Variants in TMEM266 observed in about 807,000 individuals in gnomAD.
TMEM266 encodes Hv1 related protein 1.
A neutral mutation model predicts 50.5 loss-of-function variants in TMEM266; 33 were observed. The observed-to-expected ratio is 0.65, with a 90% CI of 0.50 to 0.87. The LOEUF is 0.87. Ranked by LOEUF, TMEM266 falls within the 40% of genes least tolerant of loss-of-function variation. The pLI, the probability that TMEM266 is intolerant of heterozygous loss-of-function variation, is 0.00. For missense variants in TMEM266, 655 were observed against 695.1 expected (o/e 0.94, Z 0.65); for synonymous variants, 310 against 292.3 (o/e 1.06, Z -0.62).
At chr15:76,099,635 G>A (rs187229305) in intron 1 of TMEM266, among the ~76,000 whole-genome samples, 74 of 152,324 alleles carry the variant, frequency 4.9e-4, no homozygotes, top group African/African-American at 1.8e-3. Context: ...GAAAATGGAA[G>A]CATTGAGATT....
chr15:76,066,727 G>T (rs1032614183), intron 1 of TMEM266, among the ~76,000 whole-genome samples: 4 of 152,016 alleles, frequency 2.6e-5, no homozygotes, highest in African/African-American at 9.7e-5. Context: ...CATCTGCTGT[G>T]TGTGTCCCTG....
chr15:76,201,571 C>G (rs555929433), intron 9 of TMEM266, among the ~76,000 whole-genome samples: 4 of 152,172 alleles, frequency 2.6e-5, no homozygotes, highest in Admixed American at 6.5e-5. Flanking sequence ...TTCCCACCCC[C>G]CTTGACATGA....
At chr15:76,100,421 A>G (rs1204389016) in intron 1 of TMEM266, among the ~76,000 whole-genome samples, 2 of 152,210 alleles carry the variant, frequency 1.3e-5, no homozygotes, top group African/African-American at 4.8e-5. Context: ...TGGGTTCTCC[A>G]TCCTTTGAGC....
chr15:76,171,039 C>A lies in TMEM266; in HGVS notation c.560C>A (p.Ala187Glu), dbSNP rs768852904. 1.2e-6 allele frequency: 2 copies of A among 1,613,178 alleles called. No homozygotes were observed. The highest frequency in any genetic ancestry group is 1.7e-6 in the Non-Finnish European group (2 of 1,179,650). ...ATCCTATCTTTGGCTCCGATGGTGG[C>A]ATCCACTGTGGCCAATGGACCCAGG... Residue 187 changes from alanine to glutamate, a missense_variant, in exon 7 of 11, where the codon GCA (alanine) becomes GAA (glutamate). Around this residue, in one of 3 missense-constraint regions of TMEM266, gnomAD observed 101 missense variants for 182.6 expected, o/e 0.55. Coordinates refer to ENST00000388942, the MANE Select transcript of TMEM266 (RefSeq NM_152335.3).
chr15:76,080,290 C>T (rs1330228308), intron 1 of TMEM266, among the ~76,000 whole-genome samples: 1 of 616 alleles, frequency 1.6e-3, no homozygotes, highest in African/African-American at 6.0e-3. Flanking sequence ...TTGCTTGAAC[C>T]CAGGAGGCGG....
intron 1 of TMEM266, among the ~76,000 whole-genome samples, chr15:76,090,400 G>A (rs2036832438): frequency 2.0e-5 from 3 of 150,874 alleles, no homozygotes; most frequent in South Asian, 2.1e-4. Flanking sequence ...GCTGAGGCAG[G>A]AGGATCACTT....
intron 1 of TMEM266, among the ~76,000 whole-genome samples, chr15:76,070,695 A>G (rs1422596712): frequency 5.3e-5 from 8 of 152,230 alleles, no homozygotes; most frequent in African/African-American, 1.4e-4. Flanking sequence ...TTAAGGATTC[A>G]AAGTTCTTGG....
chr15:76,179,127 GAGAAT>G (rs2038352012), intron 8 of TMEM266, among the ~76,000 whole-genome samples: 1 of 152,250 alleles, frequency 6.6e-6, no homozygotes. Flanking sequence ...TGGAATGGTT[GAGAAT>G]AGACTTGGTT....
At chr15:76,088,314 T>C (rs2036801815) in intron 1 of TMEM266, among the ~76,000 whole-genome samples, 1 of 152,142 alleles carries the variant, frequency 6.6e-6, no homozygotes, top group African/African-American at 2.4e-5. Flanking sequence ...TCTGGGAGTG[T>C]ACAGGGAGCA....
chr15:76,198,368 C>G (rs987631114), intron 9 of TMEM266, among the ~76,000 whole-genome samples: 1 of 147,714 alleles, frequency 6.8e-6, no homozygotes, highest in Non-Finnish European at 1.5e-5. Context: ...AGGGCTGAAT[C>G]AAAGCAAACT....
At chr15:76,096,221 T>G (rs1258860379) in intron 1 of TMEM266, among the ~76,000 whole-genome samples, 2 of 152,100 alleles carry the variant, frequency 1.3e-5, no homozygotes, top group Non-Finnish European at 2.9e-5. Context: ...ATTTTAGATA[T>G]TCCCTGCTTT....
At chr15:76,133,527 C>T (rs1358234660) in intron 1 of TMEM266, among the ~76,000 whole-genome samples, 1 of 152,228 alleles carries the variant, frequency 6.6e-6, no homozygotes, top group Non-Finnish European at 1.5e-5. Flanking sequence ...TAGTGTCTTA[C>T]AGGCATGACC....
chr15:76,156,381 G>C (rs1038273807), intron 3 of TMEM266, among the ~76,000 whole-genome samples: 3 of 150,826 alleles, frequency 2.0e-5, no homozygotes, highest in Non-Finnish European at 4.4e-5. Flanking sequence ...GAAAAGAAAA[G>C]AAAAAAAAAG....
At chr15:76,195,366 G>A (rs1400385928) in intron 9 of TMEM266, among the ~76,000 whole-genome samples, 1 of 152,240 alleles carries the variant, frequency 6.6e-6, no homozygotes, top group African/African-American at 2.4e-5. Flanking sequence ...TTGTTCTGGT[G>A]TGGAGCCCTG....
intron 6 of TMEM266, among the ~76,000 whole-genome samples, chr15:76,170,211 AACGTGCTTCT>A (rs1225797715): frequency 2.0e-5 from 3 of 152,232 alleles, no homozygotes; most frequent in Non-Finnish European, 4.4e-5. Context: ...GGAAACTGTC[AACGTGCTTCT>A]CAGGCTGGGT....
intron 3 of TMEM266, among the ~76,000 whole-genome samples, chr15:76,142,393 A>AAAT (rs372025392): frequency 5.9e-5 from 9 of 152,126 alleles, no homozygotes; most frequent in South Asian, 2.1e-4. Context: ...CTCCGTCTCA[A>AAAT]AATAATAATA....
At chr15:76,199,037 T>C (rs1413482528) in intron 9 of TMEM266, among the ~76,000 whole-genome samples, 2 of 137,800 alleles carry the variant, frequency 1.5e-5, no homozygotes, top group African/African-American at 5.1e-5. Flanking sequence ...ATCTAATTCA[T>C]TGAACCCACA....
At chr15:76,084,951 T>C (rs2036752324) in intron 1 of TMEM266, among the ~76,000 whole-genome samples, 1 of 150,680 alleles carries the variant, frequency 6.6e-6, no homozygotes, top group Non-Finnish European at 1.5e-5. Context: ...ATTTTCTTTT[T>C]CTTTTTCCTT....
intron 1 of TMEM266, among the ~76,000 whole-genome samples, chr15:76,111,684 A>C (rs970819894): frequency 6.6e-6 from 1 of 152,258 alleles, no homozygotes; most frequent in Admixed American, 6.5e-5. Flanking sequence ...CTGGGATTAC[A>C]GGCATGCGCC....
Sources: allele counts gnomAD v4.1 joint callset (sites outside exome capture counted in the v4.1 genomes callset), GRCh38; gene constraint gnomAD v4.1.1; regional missense constraint gnomAD v4.1.1; transcripts MANE v1.5; gene names NCBI Gene and HGNC (gene_info 2026-07-23, HGNC 2026-07-21).